Variants in ARSB observed in about 807,000 individuals in gnomAD.
ARSB encodes arylsulfatase B, also known as N-acetylgalactosamine-4-sulfatase.
Under a neutral mutation model 50.9 loss-of-function variants are expected in ARSB, and 41 were observed. That is an observed-to-expected ratio of 0.81 (90% confidence interval 0.63 to 1.04). ARSB has a LOEUF of 1.04. Among genes scored for constraint, ARSB ranks in the 50% least tolerant of loss-of-function variants. The pLI is 0.00. For missense variants in ARSB, 672 were observed against 693.3 expected (o/e 0.97, Z 0.35); for synonymous variants, 269 against 284.8 (o/e 0.94, Z 0.56).
intron 1 of ARSB, among the ~76,000 whole-genome samples, chr5:78,974,024 G>A (rs1752563360): frequency 6.6e-6 from 1 of 152,226 alleles, no homozygotes; most frequent in African/African-American, 2.4e-5. Context: ...TGGCAAAGCA[G>A]GAGTTCAGAA....
At chr5:78,952,303 G>A (rs1440526014) in intron 4 of ARSB, among the ~76,000 whole-genome samples, 2 of 150,848 alleles carry the variant, frequency 1.3e-5, no homozygotes, top group African/African-American at 4.9e-5. Flanking sequence ...GAAAAAAATT[G>A]TATTCCACCT....
chr5:78,837,212 G>C (rs1296599682), intron 6 of ARSB, among the ~76,000 whole-genome samples: 7 of 152,152 alleles, frequency 4.6e-5, no homozygotes, highest in Non-Finnish European at 1.0e-4. Context: ...TTTGTAGGTG[G>C]AATTTAGCAG....
At chr5:78,932,424 T>C (rs375697039) in intron 4 of ARSB, among the ~76,000 whole-genome samples, 1 of 152,232 alleles carries the variant, frequency 6.6e-6, no homozygotes, top group Non-Finnish European at 1.5e-5. Flanking sequence ...TTAGCCTCTC[T>C]GGGTCTCTGT....
chr5:78,819,678 G>A (rs1744134463), intron 6 of ARSB, among the ~76,000 whole-genome samples: 1 of 152,240 alleles, frequency 6.6e-6, no homozygotes, highest in Non-Finnish European at 1.5e-5. Flanking sequence ...ACCTTCCACA[G>A]TTCGTCTTCA....
At chr5:78,940,761 A>G (rs571207581) in intron 4 of ARSB, among the ~76,000 whole-genome samples, 1 of 152,128 alleles carries the variant, frequency 6.6e-6, no homozygotes, top group Non-Finnish European at 1.5e-5. Context: ...TTGACTTGGC[A>G]ATGCGGGCTC....
intron 5 of ARSB, among the ~76,000 whole-genome samples, chr5:78,852,163 C>T (rs1383314112): frequency 1.3e-5 from 2 of 152,186 alleles, no homozygotes; most frequent in Non-Finnish European, 2.9e-5. Flanking sequence ...CCTCGATGGT[C>T]TTTACAATTT....
rs188944922 is a variant in ARSB, at chr5:78,832,633, C to G, written c.1213+6723G>C. On this transcript the variant is annotated intron_variant, in intron 6 of 7. Transcript: ENST00000264914. ...ATCTCAAGCATGGATTTGGCAATTG[C>G]ACCACAGAAAATGTGTGTGTGAGAG... is the stretch of plus-strand genomic sequence containing the variant. Among the ~76,000 whole-genome samples the G allele has an allele frequency of 2.6e-5, 4 of 152,226 alleles. No homozygotes were observed. In the East Asian group the frequency reaches 7.7e-4, roughly 29 times the overall value.
intron 6 of ARSB, among the ~76,000 whole-genome samples, chr5:78,793,634 A>G (rs1244513318): frequency 6.6e-6 from 1 of 152,194 alleles, no homozygotes; most frequent in Non-Finnish European, 1.5e-5. Flanking sequence ...TGGTCCCCCC[A>G]AACTAAATTG....
At chr5:78,981,362 C>T (rs1752895686) in intron 1 of ARSB, among the ~76,000 whole-genome samples, 1 of 152,116 alleles carries the variant, frequency 6.6e-6, no homozygotes, top group South Asian at 2.1e-4. Flanking sequence ...ATAGCATGCA[C>T]ATTTAAAATA....
Position 78,985,035 on chromosome 5 carries a change from G to A in ARSB, c.214C>T (p.Leu72=), listed in dbSNP as rs768285055. ...ACCCCGCCGGCCGCCAGCGCGTCCA[G>A]GTGCGGCGTGCGGATGCGGGAGCCG... is the stretch of plus-strand genomic sequence containing the variant. ...FHGSRIRTPH[L]DALAAGGVLL... Residue 72 remains leucine, a synonymous_variant, in exon 1 of 8, where the codon CTG becomes TTG. Transcript: ENST00000264914. 1.3e-6 allele frequency: 2 copies of A among 1,542,556 alleles called. No individual in the cohort carries two copies. The highest frequency in any genetic ancestry group is 2.4e-5 in the South Asian group (2 of 83,476).
chr5:78,867,428 C>T (rs370438944), intron 5 of ARSB, among the ~76,000 whole-genome samples: 68 of 152,142 alleles, frequency 4.5e-4, no homozygotes, highest in Non-Finnish European at 7.5e-4. Flanking sequence ...GTCTGACAGC[C>T]TTGAAGAGAG....
intron 1 of ARSB, among the ~76,000 whole-genome samples, chr5:78,973,128 G>A (rs1362105277): frequency 1.3e-5 from 2 of 152,172 alleles, no homozygotes; most frequent in Admixed American, 6.5e-5. Flanking sequence ...GGGCAGGAAG[G>A]CAACCGGGCA....
chr5:78,856,487 C>T (rs1360682220), intron 5 of ARSB, among the ~76,000 whole-genome samples: 1 of 152,132 alleles, frequency 6.6e-6, no homozygotes, highest in Non-Finnish European at 1.5e-5. Flanking sequence ...ACCTTGAACA[C>T]AAAGCTTTAT....
At chr5:78,949,268 C>G (rs1455826243) in intron 4 of ARSB, among the ~76,000 whole-genome samples, 1 of 152,208 alleles carries the variant, frequency 6.6e-6, no homozygotes, top group African/African-American at 2.4e-5. Context: ...CTTTACCGAT[C>G]ACCAAATATA....
chr5:78,967,087 T>C (rs1202371121), intron 2 of ARSB, among the ~76,000 whole-genome samples: 1 of 152,166 alleles, frequency 6.6e-6, no homozygotes, highest in Non-Finnish European at 1.5e-5. Context: ...CTGCATTGTT[T>C]TGGCCCCCAT....
rs185936313 is a variant in ARSB at position 78,932,839 on chromosome 5, A to C, written c.898+22456T>G. The stretch of plus-strand genomic sequence containing the variant: ...TTATTTTCTCCATGGAGGCATCTGG[A>C]ATGGACCATTCTCTCTCTCTCTGCC... On this transcript the variant is annotated intron_variant, in intron 4 of 7. Transcript: ENST00000264914. Among the ~76,000 whole-genome samples, 16 of 152,260 alleles carry C rather than the reference A, an allele frequency of 1.1e-4. No individual in the cohort carries two copies. The East Asian group carries it at 2.1e-3, about 20-fold the overall frequency.
chr5:78,944,248 T>C (rs1580104164), intron 4 of ARSB, among the ~76,000 whole-genome samples: 1 of 152,310 alleles, frequency 6.6e-6, no homozygotes, highest in East Asian at 1.9e-4. Flanking sequence ...TCGGAGAAGT[T>C]TGATCGTCTG....
At chr5:78,863,083 C>T (rs979858452) in intron 5 of ARSB, among the ~76,000 whole-genome samples, 4 of 152,038 alleles carry the variant, frequency 2.6e-5, no homozygotes, top group Non-Finnish European at 4.4e-5. Context: ...GTTAGAATGG[C>T]GATCATTAAA....
At chr5:78,787,574 G>A (rs1580968809) in intron 6 of ARSB, among the ~76,000 whole-genome samples, 1 of 152,204 alleles carries the variant, frequency 6.6e-6, no homozygotes, top group East Asian at 1.9e-4. Flanking sequence ...GACATGAAGT[G>A]ATGAGCAAAG....
Sources: allele counts gnomAD v4.1 joint callset (sites outside exome capture counted in the v4.1 genomes callset), GRCh38; gene constraint gnomAD v4.1.1; transcripts MANE v1.5; gene names NCBI Gene and HGNC (gene_info 2026-07-23, HGNC 2026-07-21).